The following ALDH9A1 variants were observed in gnomAD, a reference collection of about 807,000 sequenced individuals.
ALDH9A1 encodes the protein aldehyde dehydrogenase 9 family member A1.
ALDH9A1 carries 42 observed loss-of-function variants against 56.6 expected under a neutral mutation model. That is an observed-to-expected ratio of 0.74 (90% CI 0.58 to 0.96). The LOEUF is 0.96. Among genes scored for constraint, ALDH9A1 ranks in the 40% least tolerant of loss-of-function variants. The pLI is 0.00. For missense variants in ALDH9A1, 661 were observed against 651.5 expected, an observed-to-expected ratio of 1.01 and a Z score of -0.16; for synonymous variants, 242 against 236.0, an observed-to-expected ratio of 1.03 and a Z score of -0.23.
chr1:165,690,882 C>A (rs1421338593), intron 2 of ALDH9A1, among the ~76,000 whole-genome samples: 2 of 152,202 alleles, frequency 1.3e-5, no homozygotes, highest in African/African-American at 4.8e-5. Context: ...GAGTGGAGCC[C>A]ACCACAGCTC....
chr1:165,664,611 T>C (rs755785491), intron 10 of ALDH9A1, among the ~76,000 whole-genome samples: 8 of 152,346 alleles, frequency 5.3e-5, no homozygotes, highest in Non-Finnish European at 7.4e-5. Flanking sequence ...AGCTATTACT[T>C]GAAAGACACT....
rs143039029 is a variant in ALDH9A1 at position 165,665,317 on chromosome 1, T to C, written c.1350-187A>G. 73 of 551,420 alleles carry C rather than the reference T, an allele frequency of 1.3e-4. No homozygotes were observed. In the African/African-American group the frequency reaches 1.3e-3, roughly 10 times the overall value. The allele number at this position is 551,420 out of a possible 1,614,324, so 34.2% of individuals were successfully genotyped here. On this transcript the variant is annotated intron_variant, in intron 9 of 10. Coordinates refer to ENST00000354775, the MANE Select transcript of ALDH9A1 (RefSeq NM_000696.4). Reference sequence around the variant, plus strand: ...ATTGGGTTTTATAGTCCCATGCACATGGTATCTTTAAAATAAGTAACAGCA... The same window carrying C: ...ATTGGGTTTTATAGTCCCATGCACACGGTATCTTTAAAATAAGTAACAGCA...
intron 2 of ALDH9A1, among the ~76,000 whole-genome samples, chr1:165,688,700 C>G (rs1209929012): frequency 6.6e-6 from 1 of 151,780 alleles, no homozygotes; most frequent in Non-Finnish European, 1.5e-5. Context: ...AGAGCAAGAC[C>G]CTGTCAAAAA....
At chr1:165,674,591 C>A (rs1649289242) in intron 6 of ALDH9A1, among the ~76,000 whole-genome samples, 1 of 146,110 alleles carries the variant, frequency 6.8e-6, no homozygotes, top group Non-Finnish European at 1.5e-5. Context: ...GAGGCTAAGG[C>A]AGGAAAATCA....
chr1:165,679,070 T>G (rs1251312116), intron 6 of ALDH9A1, among the ~76,000 whole-genome samples: 1 of 152,224 alleles, frequency 6.6e-6, no homozygotes, highest in African/African-American at 2.4e-5. Flanking sequence ...GGCTATAGAT[T>G]CAGTAACAGT....
rs1216639764 is a variant in ALDH9A1, at chr1:165,680,515, A to G, written c.761T>C (p.Phe254Ser). Residue 254 changes from phenylalanine to serine, a missense_variant, in exon 5 of 11, where the codon TTC becomes TCC. Coordinates refer to ENST00000354775, the MANE Select transcript of ALDH9A1 (RefSeq NM_000696.4). The stretch of plus-strand genomic sequence containing the variant: ...CATGCCAGTGGGCACACTTCCAGTG[A>G]AGGAGACTTTGGCCACATCGGGATG... ...CQHPDVAKVSFTGSVPTGMKI... is the reference protein window; with the variant it reads ...CQHPDVAKVSSTGSVPTGMKI... The G allele has an allele frequency of 1.2e-6, 2 of 1,614,156 alleles. No individual in the cohort carries two copies. Among genetic ancestry groups the G allele is most frequent in the Admixed American group, 1.7e-5 (1 of 60,022 alleles).
At chr1:165,685,809 C>G (rs1431119916) in intron 2 of ALDH9A1, among the ~76,000 whole-genome samples, 1 of 152,194 alleles carries the variant, frequency 6.6e-6, no homozygotes, top group African/African-American at 2.4e-5. Context: ...ACTCTGGTGG[C>G]ACTGTACAAG....
chr1:165,674,973 G>A (rs980339810), intron 6 of ALDH9A1, among the ~76,000 whole-genome samples: 1 of 151,890 alleles, frequency 6.6e-6, no homozygotes, highest in Non-Finnish European at 1.5e-5. Context: ...CGGGTGGATC[G>A]CCTGAGCTCA....
At chr1:165,677,870 A>G (rs935314813) in intron 6 of ALDH9A1, among the ~76,000 whole-genome samples, 1 of 151,720 alleles carries the variant, frequency 6.6e-6, no homozygotes, top group Non-Finnish European at 1.5e-5. Context: ...AAAAAAAAAA[A>G]AAAAAAAAAT....
chr1:165,669,897 A>G (rs551171189), intron 6 of ALDH9A1, among the ~76,000 whole-genome samples: 39 of 152,308 alleles, frequency 2.6e-4, no homozygotes, highest in African/African-American at 8.7e-4. Context: ...AGACCCTCCT[A>G]TAGAAAGGAA....
chr1:165,685,136 A>G (rs1649666960), intron 2 of ALDH9A1, among the ~76,000 whole-genome samples: 1 of 152,226 alleles, frequency 6.6e-6, no homozygotes, highest in Admixed American at 6.5e-5. Flanking sequence ...CCATAACAAC[A>G]TACTGCTACA....
intron 6 of ALDH9A1, among the ~76,000 whole-genome samples, chr1:165,672,395 C>A (rs575333968): frequency 6.6e-6 from 1 of 151,930 alleles, no homozygotes; most frequent in East Asian, 1.9e-4. Context: ...CTAAGTGAAA[C>A]GAGCCAGACA....
rs149264874 is a variant in ALDH9A1 at position 165,680,455 on chromosome 1, T to C, written c.789+32A>G. The C allele has an allele frequency of 3.7e-5, 60 of 1,606,622 alleles. No individual in the cohort carries two copies. The African/African-American group carries it at 6.4e-4, about 17-fold the overall frequency. On this transcript the variant is annotated intron_variant, in intron 5 of 10. Transcript: ENST00000354775. ...CCGGATTTGCCACATCCAAATGCCA[T>C]GTGTGTTGACCAATACTGGTTTTGT... is the stretch of plus-strand genomic sequence containing the variant.
intron 4 of ALDH9A1, among the ~76,000 whole-genome samples, chr1:165,681,671 T>C (rs774621195): frequency 7.9e-5 from 12 of 152,212 alleles, no homozygotes; most frequent in Non-Finnish European, 1.8e-4. Context: ...ATAAGAAGCT[T>C]ATCAAAGCCT....
chr1:165,692,822 A>T (rs1244374567), intron 2 of ALDH9A1, among the ~76,000 whole-genome samples: 1 of 152,070 alleles, frequency 6.6e-6, no homozygotes, highest in African/African-American at 2.4e-5. Context: ...CTATACTACA[A>T]GGCTACAGTA....
intron 1 of ALDH9A1, chr1:165,698,160 C>T (rs1650155476): frequency 3.1e-6 from 4 of 1,272,418 alleles, no homozygotes; most frequent in Non-Finnish European, 4.0e-6. Context: ...TCCTACCACG[C>T]AACTCATCAG....
At chr1:165,688,002 A>C (rs1025856840) in intron 2 of ALDH9A1, among the ~76,000 whole-genome samples, 4 of 90,676 alleles carry the variant, frequency 4.4e-5, no homozygotes, top group Non-Finnish European at 8.9e-5. Flanking sequence ...AAAAAGAGAA[A>C]GAAAAGAAAA....
In ALDH9A1 at chr1:165,667,368, A is replaced by T; in HGVS notation, c.1290T>A (p.Ala430=). The T allele has an allele frequency of 1.2e-6, 2 of 1,614,120 alleles. No individual in the cohort carries two copies. The highest frequency in any genetic ancestry group is 1.7e-6 in the Non-Finnish European group (2 of 1,179,996). Residue 430 remains alanine, a synonymous_variant, in exon 9 of 11, where the codon GCT becomes GCA. Coordinates refer to ENST00000354775, the MANE Select transcript of ALDH9A1 (RefSeq NM_000696.4). The stretch of plus-strand genomic sequence containing the variant: ...TATCATTGGCTCTTTCTAGAACCTC[A>T]GCTTCAGTGTCAAATGATAAAATGG... ...VMSILSFDTE[A]EVLERANDTT...
rs1201995732 is a variant in ALDH9A1, at chr1:165,695,414, C to T, written c.182-17G>A. The T allele has an allele frequency of 3.8e-6, 6 of 1,560,638 alleles. No homozygotes were observed. Among genetic ancestry groups the T allele is most frequent in the Non-Finnish European group, 4.3e-6 (5 of 1,156,374 alleles). On this transcript the variant is annotated splice_polypyrimidine_tract_variant and intron_variant, in intron 1 of 10. Coordinates refer to ENST00000354775, the MANE Select transcript of ALDH9A1 (RefSeq NM_000696.4). ...TCACTCGGCCTATAAAGAGCGGAAA[C>T]ATCAGTTTTAACTCAAATTGTTGCC...
Sources: gnomAD v4.1 joint callset for allele counts (sites outside exome capture counted in the v4.1 genomes callset) on GRCh38, gnomAD v4.1.1 for gene constraint, MANE v1.5 for transcripts, NCBI Gene and HGNC (gene_info 2026-07-23, HGNC 2026-07-21) for gene names.